RBFOX3: variants seen among roughly 807,000 people sequenced by gnomAD.
RBFOX3 encodes RNA binding protein fox-1 homolog 3.
Under a neutral mutation model 48.7 loss-of-function variants are expected in RBFOX3, and 17 were observed. That is an observed-to-expected ratio of 0.35 (90% CI 0.24 to 0.52). The LOEUF is 0.52. Ranked by LOEUF, RBFOX3 falls within the 20% of genes least tolerant of loss-of-function variation. The probability of loss-of-function intolerance (pLI) is 0.94; values close to 1 mark genes in which losing one functional copy is unlikely to be tolerated. For missense variants in RBFOX3, 382 were observed against 497.5 expected (o/e 0.77, Z 2.21); for synonymous variants, 212 against 209.5 (o/e 1.01, Z -0.10).
intron 2 of RBFOX3, among the ~76,000 whole-genome samples, chr17:79,439,766 A>G (rs1283740575): frequency 2.0e-5 from 3 of 152,242 alleles, no homozygotes; most frequent in African/African-American, 7.2e-5. Context: ...AAGTGCAAGT[A>G]CATGCATGCA....
intron 13 of RBFOX3, 81 bp downstream of exon 13, chr17:79,095,432 C>T: frequency 7.6e-7 from 1 of 1,318,708 alleles, no homozygotes; most frequent in Non-Finnish European, 1.1e-6. Flanking sequence ...CGCCTCCTGC[C>T]TGTCTGGGCC....
chr17:79,228,536 GTAGCACAAAACCACCCAACTGGAT>G (rs2147682971), intron 4 of RBFOX3, among the ~76,000 whole-genome samples: 4 of 152,214 alleles, frequency 2.6e-5, no homozygotes, highest in African/African-American at 9.6e-5. Context: ...TCTTTCATGG[GTAGCACAAAACCACCCAACTGGAT>G]ACATCCAGAA....
intron 3 of RBFOX3, among the ~76,000 whole-genome samples, chr17:79,240,916 G>A (rs972302240): frequency 1.3e-5 from 2 of 151,864 alleles, no homozygotes; most frequent in African/African-American, 2.4e-5. Context: ...CACCCACCTC[G>A]GCCTCCCAAA....
intron 3 of RBFOX3, among the ~76,000 whole-genome samples, chr17:79,291,549 C>A (rs2073262688): frequency 1.3e-5 from 2 of 152,192 alleles, no homozygotes; most frequent in Non-Finnish European, 2.9e-5. Flanking sequence ...TGAGGGCACA[C>A]TCAGAACCCT....
At chr17:79,180,560 G>A (rs1032282037) in intron 4 of RBFOX3, among the ~76,000 whole-genome samples, 6 of 152,314 alleles carry the variant, frequency 3.9e-5, no homozygotes, top group African/African-American at 9.6e-5. Context: ...GGCCGGGTAT[G>A]GCCCTAGGCC....
chr17:79,651,636 CTCTCTCTCTCTG>C, the RBFOX3 span, among the ~76,000 whole-genome samples: 1 of 134,334 alleles, frequency 7.4e-6, no homozygotes, highest in Admixed American at 7.4e-5. Context: ...CTCTCTCTCT[CTCTCTCTCTCTG>C]TCTCTCTCTC....
At chr17:79,553,785 T>A (rs1271896705) in intron 1 of RBFOX3, among the ~76,000 whole-genome samples, 1 of 152,072 alleles carries the variant, frequency 6.6e-6, no homozygotes, top group African/African-American at 2.4e-5. Flanking sequence ...CAGGCTGGAG[T>A]GCAGTGGTGC....
In RBFOX3 at chr17:79,094,442, G is replaced by A; in HGVS notation, c.1077+9C>T. Reference sequence around the variant, plus strand: ...GGCACCCAGGGCTGGGCGGGCCTGGGCTCCTTACCATGGTTCCAATGCTGT... The same window carrying A: ...GGCACCCAGGGCTGGGCGGGCCTGGACTCCTTACCATGGTTCCAATGCTGT... On this transcript the variant is annotated intron_variant, in intron 14 of 14. Coordinates refer to ENST00000693108, the MANE Select transcript of RBFOX3 (RefSeq NM_001350451.2). 1 of 1,497,110 alleles carries A rather than the reference G, an allele frequency of 6.7e-7. No individual in the cohort carries two copies. 92.7% of individuals were successfully genotyped at this position (1,497,110 alleles called of 1,614,324 possible).
At chr17:79,371,698 C>G (rs974039128) in intron 2 of RBFOX3, among the ~76,000 whole-genome samples, 1 of 152,180 alleles carries the variant, frequency 6.6e-6, no homozygotes, top group African/African-American at 2.4e-5. Flanking sequence ...ACGCTCTTTC[C>G]TCTTCTCGAA....
chr17:79,348,761 G>C (rs541676109), intron 2 of RBFOX3, among the ~76,000 whole-genome samples: 1 of 151,672 alleles, frequency 6.6e-6, no homozygotes, highest in East Asian at 2.0e-4. Context: ...TGTATTTTTA[G>C]TAGGGACGGG....
At chr17:79,155,666 G>A (rs565823931) in intron 4 of RBFOX3, among the ~76,000 whole-genome samples, 3 of 152,094 alleles carry the variant, frequency 2.0e-5, no homozygotes, top group East Asian at 3.9e-4. Context: ...AGATGAGAAC[G>A]ACCAACTCTC....
intron 1 of RBFOX3, chr17:79,600,276 GCA>G (rs2093675242): frequency 6.6e-6 from 1 of 152,264 alleles, no homozygotes; most frequent in African/African-American, 2.4e-5. Context: ...ACACACTTGT[GCA>G]TGTGCACATA....
At chr17:79,218,058 A>T (rs974157856) in intron 4 of RBFOX3, among the ~76,000 whole-genome samples, 1 of 152,150 alleles carries the variant, frequency 6.6e-6, no homozygotes, top group African/African-American at 2.4e-5. Flanking sequence ...AGCTGGGGTC[A>T]GGTGGACGGT....
At chr17:79,380,723 G>GA (rs2059800738) in intron 2 of RBFOX3, among the ~76,000 whole-genome samples, 1 of 152,178 alleles carries the variant, frequency 6.6e-6, no homozygotes, top group South Asian at 2.1e-4. Context: ...TGGATCCACA[G>GA]TGGCCCTCAA....
At chr17:79,604,208 T>G (rs2093775479) in intron 1 of RBFOX3, among the ~76,000 whole-genome samples, 1 of 152,182 alleles carries the variant, frequency 6.6e-6, no homozygotes, top group Non-Finnish European at 1.5e-5. Context: ...GGAAACTAAC[T>G]GAGTGAAGAC....
intron 2 of RBFOX3, among the ~76,000 whole-genome samples, chr17:79,463,470 C>A (rs2075791493): frequency 7.1e-6 from 1 of 141,016 alleles, no homozygotes; most frequent in African/African-American, 2.7e-5. Context: ...ATCACCACTG[C>A]CACCTCCACT....
chr17:79,194,334 C>T (rs974930997), intron 4 of RBFOX3, among the ~76,000 whole-genome samples: 5 of 152,138 alleles, frequency 3.3e-5, no homozygotes, highest in East Asian at 1.9e-4. Context: ...AAGCCAGGTG[C>T]GGTGGCTCAC....
intron 4 of RBFOX3, among the ~76,000 whole-genome samples, chr17:79,162,501 T>A (rs972148701): frequency 6.6e-6 from 1 of 152,228 alleles, no homozygotes; most frequent in African/African-American, 2.4e-5. Context: ...GCCATCCTAA[T>A]AGGCAGGCAG....
Position 79,111,354 on chromosome 17 carries a change from C to T in RBFOX3, c.222+4140G>A, listed in dbSNP as rs958966607. Among the ~76,000 whole-genome samples the T allele has an allele frequency of 1.3e-5, 2 of 152,166 alleles. No homozygotes were observed. Among genetic ancestry groups the T allele is most frequent in the African/African-American group, 2.4e-5 (1 of 41,442 alleles). ...AGCCCACGTGGGCTCTGGAAAACACCAGTCTCATCCCGTCTCCCTCTACCT... is the reference window on the plus strand; with the variant it reads ...AGCCCACGTGGGCTCTGGAAAACACTAGTCTCATCCCGTCTCCCTCTACCT... On this transcript the variant is annotated intron_variant, in intron 5 of 14. Coordinates refer to ENST00000693108, the MANE Select transcript of RBFOX3 (RefSeq NM_001350451.2). This position sits in a 1 kb window ranked among gnomAD's most constrained non-coding sequence, Gnocchi z 4.2.
Sources: gnomAD v4.1 joint callset for allele counts (sites outside exome capture counted in the v4.1 genomes callset) on GRCh38, gnomAD v4.1.1 for gene constraint, Gnocchi (gnomAD v3.1) non-coding constraint, MANE v1.5 for transcripts, NCBI Gene and HGNC (gene_info 2026-07-23, HGNC 2026-07-21) for gene names.